NYAP2: variants seen among roughly 807,000 people sequenced by gnomAD.
NYAP2 encodes the protein neuronal tyrosine-phosphorylated phosphoinositide-3-kinase adapter 2.
Under a neutral mutation model 50.4 loss-of-function variants are expected in NYAP2, and 23 were observed. The observed-to-expected ratio is 0.46, with a 90% confidence interval of 0.33 to 0.65. The LOEUF is 0.65. Among genes scored for constraint, NYAP2 ranks in the 30% least tolerant of loss-of-function variants. The pLI is 0.02. For missense variants in NYAP2, 885 were observed against 861.0 expected (o/e 1.03, Z -0.35); for synonymous variants, 394 against 365.2 (o/e 1.08, Z -0.90).
downstream of NYAP2, among the ~76,000 whole-genome samples, chr2:225,654,808 C>A (rs1048597213): frequency 6.6e-6 from 1 of 152,238 alleles, no homozygotes; most frequent in Non-Finnish European, 1.5e-5. Context: ...ATTTCAGCCA[C>A]ATTATGGGGC....
chr2:225,554,625 A>G (rs1327634134), intron 4 of NYAP2, among the ~76,000 whole-genome samples: 1 of 152,028 alleles, frequency 6.6e-6, no homozygotes, highest in Non-Finnish European at 1.5e-5. Context: ...CCCAGCCTAC[A>G]TTTATCTTAT....
intron 5 of NYAP2, among the ~76,000 whole-genome samples, chr2:225,621,921 C>T (rs1693111191): frequency 6.6e-6 from 1 of 152,052 alleles, no homozygotes; most frequent in Non-Finnish European, 1.5e-5. Flanking sequence ...ATGCCTGTAC[C>T]ATGTTGTGTT....
In NYAP2 at chr2:225,642,342, A is replaced by G. The variant is rs556614943; in HGVS notation, c.1829-9090A>G. On this transcript the variant is annotated intron_variant, in intron 6 of 6. Coordinates refer to ENST00000636099, the Ensembl canonical transcript of NYAP2. The stretch of plus-strand genomic sequence containing the variant: ...TTGACCCCCAATAATAAAAACCACT[A>G]ACATTTCTTGAGATTTTAGTACATG... Among the ~76,000 whole-genome samples, 3 of 152,170 alleles carry G rather than the reference A, an allele frequency of 2.0e-5. 1 individual carries two copies. The highest frequency in any genetic ancestry group is 4.4e-5 in the Non-Finnish European group (3 of 68,028).
chr2:225,405,964 A>G (rs1338082602), intron 2 of NYAP2, among the ~76,000 whole-genome samples: 2 of 152,016 alleles, frequency 1.3e-5, no homozygotes, highest in African/African-American at 4.8e-5. Context: ...AAGGGGTTAT[A>G]TTATTATTAA....
At chr2:225,414,861 T>C (rs1023326153) in intron 3 of NYAP2, among the ~76,000 whole-genome samples, 4 of 152,182 alleles carry the variant, frequency 2.6e-5, no homozygotes, top group Admixed American at 2.6e-4. Context: ...TGCTATTAGC[T>C]ATAGTATTTT....
chr2:225,581,052 C>A (rs1424471944), intron 4 of NYAP2, among the ~76,000 whole-genome samples: 3 of 152,196 alleles, frequency 2.0e-5, no homozygotes, highest in South Asian at 2.1e-4. Flanking sequence ...CTCTTCCGTG[C>A]TATTGTATGA....
the NYAP2 span, among the ~76,000 whole-genome samples, chr2:225,696,842 CT>C: frequency 6.6e-6 from 1 of 151,928 alleles, no homozygotes; most frequent in Admixed American, 6.6e-5. Context: ...TACCAAATCA[CT>C]TTAACTCTCA....
intron 3 of NYAP2, among the ~76,000 whole-genome samples, chr2:225,444,876 C>A (rs1689527163): frequency 6.6e-6 from 1 of 152,170 alleles, no homozygotes; most frequent in Non-Finnish European, 1.5e-5. Flanking sequence ...TGCTATTGAT[C>A]AGTGCCTCTC....
chr2:225,456,745 G>A (rs989342803), intron 3 of NYAP2, among the ~76,000 whole-genome samples: 6 of 152,116 alleles, frequency 3.9e-5, no homozygotes, highest in African/African-American at 1.4e-4. Context: ...TTATCTGAGA[G>A]GAAGAGTTTT....
At chr2:225,628,094 C>A (rs1693241667) in intron 6 of NYAP2, among the ~76,000 whole-genome samples, 2 of 152,120 alleles carry the variant, frequency 1.3e-5, no homozygotes, top group African/African-American at 4.8e-5. Context: ...CAGACAGGAG[C>A]AAAGTACTAG....
At chr2:225,663,047 C>T in the NYAP2 span, among the ~76,000 whole-genome samples, 2 of 152,062 alleles carry the variant, frequency 1.3e-5, no homozygotes, top group Admixed American at 6.6e-5. Context: ...TTCAGTCATT[C>T]GTTTATTTAA....
intron 6 of NYAP2, among the ~76,000 whole-genome samples, chr2:225,634,036 T>C (rs1693367852): frequency 6.6e-6 from 1 of 152,154 alleles, no homozygotes; most frequent in African/African-American, 2.4e-5. Context: ...TTCCAGAAGC[T>C]GCTGTTCCTG....
rs116890519 is a variant in NYAP2, at chr2:225,487,315, G to A, written c.222-26056G>A. On this transcript the variant is annotated intron_variant, in intron 3 of 6. Transcript: ENST00000636099. The stretch of plus-strand genomic sequence containing the variant: ...CTCACAGCTCCCCTGGACCTCTGCC[G>A]TAGCCTCGAGCCTCCTTTCTCATTT... Among the ~76,000 whole-genome samples the A allele has an allele frequency of 2.7e-4, 41 of 152,120 alleles. 1 individual carries two copies. The East Asian group carries it at 5.2e-3, about 19-fold the overall frequency.
intron 4 of NYAP2, among the ~76,000 whole-genome samples, chr2:225,549,023 G>A (rs923714911): frequency 8.6e-5 from 13 of 151,970 alleles, no homozygotes; most frequent in Non-Finnish European, 7.4e-5. Context: ...TGGGACTATA[G>A]GCATGCACTA....
chr2:225,453,192 A>C (rs2106148859), intron 3 of NYAP2, among the ~76,000 whole-genome samples: 1 of 152,316 alleles, frequency 6.6e-6, no homozygotes, highest in South Asian at 2.1e-4. Flanking sequence ...ATGATTATGA[A>C]AGTTGTTAAT....
intron 3 of NYAP2, among the ~76,000 whole-genome samples, chr2:225,482,584 T>C (rs757635476): frequency 1.3e-5 from 2 of 152,116 alleles, no homozygotes; most frequent in Non-Finnish European, 2.9e-5. Context: ...CTGAAATGCA[T>C]CTGTTTACCC....
chr2:225,555,896 A>C (rs1292978411), intron 4 of NYAP2, among the ~76,000 whole-genome samples: 1 of 152,156 alleles, frequency 6.6e-6, no homozygotes, highest in Admixed American at 6.5e-5. Flanking sequence ...TCTAAATATT[A>C]GTTAAGTTGT....
chr2:225,432,253 C>T (rs1038092148), intron 3 of NYAP2, among the ~76,000 whole-genome samples: 2 of 150,444 alleles, frequency 1.3e-5, no homozygotes, highest in East Asian at 3.9e-4. Context: ...GCTTTAGCCT[C>T]CCAAAGTGCT....
At chr2:225,426,276 A>G (rs1695286687) in intron 3 of NYAP2, among the ~76,000 whole-genome samples, 1 of 152,238 alleles carries the variant, frequency 6.6e-6, no homozygotes, top group East Asian at 1.9e-4. Flanking sequence ...TTACGGACAA[A>G]TTACTCAGAC....
Sources: allele counts gnomAD v4.1 joint callset (sites outside exome capture counted in the v4.1 genomes callset), GRCh38; gene constraint gnomAD v4.1.1; transcripts MANE v1.5; gene names NCBI Gene and HGNC (gene_info 2026-07-23, HGNC 2026-07-21).